The following LIFR variants were observed in gnomAD, a reference collection of about 807,000 sequenced individuals.
LIFR encodes leukemia inhibitory factor receptor.
LIFR carries 84 observed loss-of-function variants against 122.2 expected under a neutral mutation model. The ratio of observed to expected loss-of-function variants is 0.69; its 90% CI spans 0.58 to 0.82. The LOEUF (loss-of-function observed/expected upper bound fraction) is 0.82. LIFR is among the 40% of genes least tolerant of loss of function. The probability of loss-of-function intolerance (pLI) is 0.00; values close to 1 mark genes in which losing one functional copy is unlikely to be tolerated. For synonymous variants in LIFR, 422 were observed against 434.7 expected (o/e 0.97, Z 0.36); for missense variants, 1,294 against 1,311.6 (o/e 0.99, Z 0.21).
intron 14 of LIFR, among the ~76,000 whole-genome samples, 169 bp from the exon 15 acceptor site, chr5:38,490,460 A>G (rs1399216769): frequency 6.6e-6 from 1 of 152,212 alleles, no homozygotes; most frequent in Non-Finnish European, 1.5e-5. Flanking sequence ...TTCAAAAGAA[A>G]ATTGACTAAA....
intron 11 of LIFR, among the ~76,000 whole-genome samples, chr5:38,499,866 C>G (rs563531120): frequency 6.6e-6 from 1 of 152,290 alleles, no homozygotes; most frequent in East Asian, 1.9e-4. Context: ...TGGCCACACA[C>G]TGGCTTCCTG....
chr5:38,572,899 C>T (rs1230808629), intron 1 of LIFR, among the ~76,000 whole-genome samples: 3 of 152,172 alleles, frequency 2.0e-5, no homozygotes, highest in Admixed American at 6.5e-5. Context: ...ATACTCCTTC[C>T]CTACACACTA....
rs185966372 is a variant in LIFR, at chr5:38,518,908, G to A, written c.561+4511C>T. On this transcript the variant is annotated intron_variant, in intron 5 of 19. Coordinates refer to ENST00000453190, the MANE Select transcript of LIFR (RefSeq NM_001127671.2). ...GTTATACTGATGATCCTGGCCCTGC[G>A]TAGGCCTAGGCTAACGTGTGTGTTT... Among the ~76,000 whole-genome samples the A allele has an allele frequency of 1.9e-3, 282 of 152,236 alleles. 2 individuals carry two copies. The highest frequency in any genetic ancestry group is 6.2e-3 in the African/African-American group (259 of 41,540).
intron 1 of LIFR, among the ~76,000 whole-genome samples, chr5:38,582,522 TTA>T (rs201572854): frequency 2.6e-5 from 4 of 151,878 alleles, no homozygotes; most frequent in East Asian, 1.9e-4. Context: ...CCTTGGGCAT[TTA>T]TATATATATA....
chr5:38,489,925 G>A (rs940059118), intron 15 of LIFR, among the ~76,000 whole-genome samples: 1 of 145,104 alleles, frequency 6.9e-6, no homozygotes. Flanking sequence ...AGCCCAGGAG[G>A]TTGAGGCTGA....
chr5:38,479,936 T>C lies in LIFR; in HGVS notation c.*1659A>G. 1 of 225,410 alleles carries C rather than the reference T, an allele frequency of 4.4e-6. No individual in the cohort carries two copies. The highest frequency in any genetic ancestry group is 2.2e-5 in the African/African-American group (1 of 44,976). 14.0% of individuals were successfully genotyped at this position (225,410 alleles called of 1,614,324 possible). ...TTCCACAGATCATAAAGCTCAGAAATTTAGCTGAATCCTAGCAGTTAAAAT... is the reference window on the plus strand; with the variant it reads ...TTCCACAGATCATAAAGCTCAGAAACTTAGCTGAATCCTAGCAGTTAAAAT... On this transcript the variant is annotated 3_prime_UTR_variant, in exon 20 of 20. Transcript: ENST00000453190.
chr5:38,543,772 T>C (rs1747720641), intron 1 of LIFR, among the ~76,000 whole-genome samples: 1 of 152,178 alleles, frequency 6.6e-6, no homozygotes, highest in Admixed American at 6.5e-5. Context: ...ATCATGTTAA[T>C]TAAAATCTAT....
intron 17 of LIFR, chr5:38,485,513 G>A: frequency 2.5e-6 from 1 of 399,358 alleles, no homozygotes; most frequent in East Asian, 5.2e-5. Context: ...ATAACAGCTG[G>A]AGCAAAATAT....
intron 14 of LIFR, 180 bp from the exon 15 acceptor site, chr5:38,490,471 C>A: frequency 5.9e-6 from 2 of 340,082 alleles, no homozygotes; most frequent in East Asian, 4.9e-5. Flanking sequence ...ATTGACTAAA[C>A]AAAAATTAAA....
chr5:38,528,906 A>G (rs1746852201), intron 2 of LIFR, 66 bp from the exon 3 acceptor site: 2 of 948,552 alleles, frequency 2.1e-6, no homozygotes, highest in East Asian at 5.2e-5. Flanking sequence ...AATATGCTGA[A>G]TAAGTCAACT....
intron 1 of LIFR, among the ~76,000 whole-genome samples, chr5:38,585,722 AT>A (rs894584486): frequency 4.7e-5 from 7 of 149,534 alleles, no homozygotes; most frequent in Admixed American, 6.7e-5. Context: ...CTAGTTGCTC[AT>A]TTTTTTTTTC....
chr5:38,567,546 T>A lies in LIFR; in HGVS notation c.-20+27715A>T, dbSNP rs199740386. 2.6e-4 allele frequency among the ~76,000 whole-genome samples: 8 copies of A among 30,948 alleles called. No homozygotes were observed. The East Asian group carries it at 0.013, about 51-fold the overall frequency. 20.3% of individuals were successfully genotyped at this position (30,948 alleles called of 152,430 possible). ...TATTTATTTATTTATTTATTTATTTTGAAGACTGAGTCTCACTCTGTTGCC... is the reference window on the plus strand; with the variant it reads ...TATTTATTTATTTATTTATTTATTTAGAAGACTGAGTCTCACTCTGTTGCC... On this transcript the variant is annotated intron_variant, in intron 1 of 19. Coordinates refer to the LIFR transcript ENST00000263409.
intron 18 of LIFR, 44 bp downstream of exon 18, chr5:38,484,731 T>C (rs374469762): frequency 3.3e-6 from 4 of 1,210,880 alleles, no homozygotes; most frequent in Non-Finnish European, 4.9e-6. Context: ...CTTATAATCA[T>C]GCCTTTAAGA....
intron 7 of LIFR, among the ~76,000 whole-genome samples, chr5:38,508,353 A>G (rs1745608365): frequency 6.6e-6 from 1 of 152,196 alleles, no homozygotes. Flanking sequence ...CAAAAGACAT[A>G]AAGACCTCAT....
chr5:38,536,730 G>A (rs1747313043), intron 1 of LIFR, among the ~76,000 whole-genome samples: 2 of 152,166 alleles, frequency 1.3e-5, no homozygotes, highest in Non-Finnish European at 2.9e-5. Context: ...AACAAAACAC[G>A]ACGGGCACTG....
chr5:38,512,107 A>C, intron 5 of LIFR, 143 bp from the exon 6 acceptor site: 1 of 789,696 alleles, frequency 1.3e-6, no homozygotes, highest in Middle Eastern at 3.2e-4. Context: ...GTTTTGTGTA[A>C]GGTATAATAG....
Position 38,479,753 on chromosome 5 carries a change from A to G in LIFR, c.*1842T>C, listed in dbSNP as rs1231748186. 4.3e-6 allele frequency: 1 copy of G among 231,532 alleles called. No individual in the cohort carries two copies. Among genetic ancestry groups the G allele is most frequent in the Non-Finnish European group, 8.5e-6 (1 of 116,972 alleles). 14.3% of individuals were successfully genotyped at this position (231,532 alleles called of 1,614,324 possible). Reference sequence around the variant, plus strand: ...AGGTCTGATGTCTGGGGTGGAAGCTAAGGGAAGGAGCCAAAGAGGATACAA... The same window carrying G: ...AGGTCTGATGTCTGGGGTGGAAGCTGAGGGAAGGAGCCAAAGAGGATACAA... On this transcript the variant is annotated 3_prime_UTR_variant, in exon 20 of 20. Transcript: ENST00000453190.
chr5:38,500,225 T>C (rs1213682445), intron 11 of LIFR, among the ~76,000 whole-genome samples: 1 of 152,184 alleles, frequency 6.6e-6, no homozygotes, highest in Admixed American at 6.6e-5. Context: ...TTATTTCTAG[T>C]CCTGGATCCT....
At chr5:38,528,121 T>C (rs1746789188) in intron 3 of LIFR, among the ~76,000 whole-genome samples, 1 of 152,182 alleles carries the variant, frequency 6.6e-6, no homozygotes, top group Admixed American at 6.5e-5. Flanking sequence ...TTCAAGCCAT[T>C]GTACTCAATA....
Sources: allele counts gnomAD v4.1 joint callset (sites outside exome capture counted in the v4.1 genomes callset), GRCh38; gene constraint gnomAD v4.1.1; transcripts MANE v1.5; gene names NCBI Gene and HGNC (gene_info 2026-07-23, HGNC 2026-07-21).